The following PPARGC1A variants were observed in gnomAD, a reference collection of about 807,000 sequenced individuals.
PPARGC1A encodes peroxisome proliferator-activated receptor gamma coactivator 1-alpha.
In PPARGC1A, 25 loss-of-function variants were observed where a neutral mutation model predicts 88.7. The ratio of observed to expected loss-of-function variants is 0.28; its 90% CI spans 0.21 to 0.39. The LOEUF is 0.39. PPARGC1A is among the 10% of genes least tolerant of loss of function. PPARGC1A has a pLI of 1.00. For synonymous variants in PPARGC1A, 363 were observed against 355.6 expected, an observed-to-expected ratio of 1.02 and a Z score of -0.24; for missense variants, 880 against 968.7, an observed-to-expected ratio of 0.91 and a Z score of 1.22.
chr4:24,053,015 C>T, the PPARGC1A span, among the ~76,000 whole-genome samples: 2 of 151,096 alleles, frequency 1.3e-5, no homozygotes, highest in Non-Finnish European at 2.9e-5. Flanking sequence ...AGGCACCCGC[C>T]ACCACACCCG....
the PPARGC1A span, among the ~76,000 whole-genome samples, chr4:24,163,189 C>T: frequency 2.0e-5 from 3 of 147,564 alleles, no homozygotes; most frequent in Non-Finnish European, 3.0e-5. Context: ...GTGTGTGTTT[C>T]CACTAAATTA....
the PPARGC1A span, among the ~76,000 whole-genome samples, chr4:24,333,068 C>G: frequency 6.6e-6 from 1 of 152,114 alleles, no homozygotes; most frequent in Non-Finnish European, 1.5e-5. Context: ...ATGGCAAAAC[C>G]CTGTCTCTAC....
the PPARGC1A span, among the ~76,000 whole-genome samples, chr4:24,456,978 A>G: frequency 6.6e-6 from 1 of 152,330 alleles, no homozygotes; most frequent in African/African-American, 2.4e-5. Context: ...GGCAGTTCAG[A>G]TAGCAAAGAG....
chr4:24,286,815 G>T, the PPARGC1A span, among the ~76,000 whole-genome samples: 2 of 152,222 alleles, frequency 1.3e-5, no homozygotes, highest in Middle Eastern at 3.4e-3. Flanking sequence ...CGGGCTCAGG[G>T]TCTCCCACAA....
chr4:23,832,082 G>A (rs577873597), intron 2 of PPARGC1A, among the ~76,000 whole-genome samples: 1 of 152,204 alleles, frequency 6.6e-6, no homozygotes. Flanking sequence ...CTGAGTAAAA[G>A]AAAAGATTTA....
the PPARGC1A span, among the ~76,000 whole-genome samples, chr4:24,410,697 G>A: frequency 6.6e-6 from 1 of 152,136 alleles, no homozygotes; most frequent in Non-Finnish European, 1.5e-5. Context: ...GCAGGCAGAA[G>A]AACACAGAAG....
chr4:24,381,135 G>C, the PPARGC1A span, among the ~76,000 whole-genome samples: 2 of 152,190 alleles, frequency 1.3e-5, no homozygotes, highest in South Asian at 4.1e-4. Context: ...AGAGGTCATG[G>C]GAGCTGAGGA....
At chr4:23,953,463 A>G in the PPARGC1A span, among the ~76,000 whole-genome samples, 1 of 152,146 alleles carries the variant, frequency 6.6e-6, no homozygotes, top group African/African-American at 2.4e-5. Flanking sequence ...GGATTGGTTT[A>G]ACCATACAGG....
the PPARGC1A span, among the ~76,000 whole-genome samples, chr4:24,075,715 C>T: frequency 6.6e-6 from 1 of 152,086 alleles, no homozygotes; most frequent in African/African-American, 2.4e-5. Context: ...ATGCTCTTTC[C>T]TTGACTGCCA....
At chr4:24,062,828 C>G in the PPARGC1A span, among the ~76,000 whole-genome samples, 25 of 152,234 alleles carry the variant, frequency 1.6e-4, no homozygotes, top group African/African-American at 5.5e-4. Context: ...AAGGCCTCAT[C>G]TATAAATACA....
chr4:24,003,869 G>A, the PPARGC1A span, among the ~76,000 whole-genome samples: 1 of 149,538 alleles, frequency 6.7e-6, no homozygotes, highest in African/African-American at 2.5e-5. Context: ...TGTGAAGAAT[G>A]GTTTGTACGA....
At chr4:24,295,960 T>C in the PPARGC1A span, among the ~76,000 whole-genome samples, 2 of 150,674 alleles carry the variant, frequency 1.3e-5, no homozygotes, top group South Asian at 2.1e-4. Flanking sequence ...ATTTATCACT[T>C]GGTGAGTTGC....
chr4:23,884,715 T>G (rs770935300), intron 2 of PPARGC1A, 37 bp downstream of exon 2: 1 of 1,578,810 alleles, frequency 6.3e-7, no homozygotes, highest in Admixed American at 1.7e-5. Flanking sequence ...CAAGCCAAAC[T>G]CAATGAAAAA....
At chr4:24,149,885 A>G in the PPARGC1A span, among the ~76,000 whole-genome samples, 5 of 152,204 alleles carry the variant, frequency 3.3e-5, no homozygotes, top group Admixed American at 3.3e-4. Context: ...TCATTGATTT[A>G]CAGCAAACCT....
the PPARGC1A span, among the ~76,000 whole-genome samples, chr4:24,426,143 T>C: frequency 6.6e-6 from 1 of 152,224 alleles, no homozygotes; most frequent in Non-Finnish European, 1.5e-5. Flanking sequence ...TCCTTATTTC[T>C]TCTTACAGAA....
chr4:24,190,025 G>A, the PPARGC1A span, among the ~76,000 whole-genome samples: 1 of 152,134 alleles, frequency 6.6e-6, no homozygotes, highest in Non-Finnish European at 1.5e-5. Context: ...TGCCTACTAA[G>A]GAGGTTATCT....
the PPARGC1A span, among the ~76,000 whole-genome samples, chr4:24,369,661 G>T: frequency 6.6e-6 from 1 of 152,214 alleles, no homozygotes; most frequent in East Asian, 1.9e-4. Flanking sequence ...AGCTGGGAGC[G>T]TGCCATGCTT....
At chr4:24,216,370 A>T in the PPARGC1A span, among the ~76,000 whole-genome samples, 4 of 151,076 alleles carry the variant, frequency 2.6e-5, no homozygotes, top group African/African-American at 9.7e-5. Context: ...CTGGTCTCAA[A>T]CACCTGGGCT....
the PPARGC1A span, among the ~76,000 whole-genome samples, chr4:24,084,111 T>G: frequency 6.6e-6 from 1 of 152,202 alleles, no homozygotes; most frequent in Admixed American, 6.5e-5. Flanking sequence ...TGTTCCTTTA[T>G]GCTGCCTTTT....
Sources: allele counts gnomAD v4.1 joint callset (sites outside exome capture counted in the v4.1 genomes callset), GRCh38; gene constraint gnomAD v4.1.1; transcripts MANE v1.5; gene names NCBI Gene and HGNC (gene_info 2026-07-23, HGNC 2026-07-21).